APAF1: variants seen among roughly 807,000 people sequenced by gnomAD.
The protein encoded by APAF1 is apoptotic protease-activating factor 1.
APAF1 carries 91 observed loss-of-function variants against 152.4 expected under a neutral mutation model. The observed-to-expected ratio is 0.60, with a 90% CI of 0.50 to 0.71. The LOEUF is 0.71. APAF1 is among the 30% of genes least tolerant of loss of function. The pLI is 0.00. For synonymous variants in APAF1, 484 were observed against 494.1 expected (o/e 0.98, Z 0.27); for missense variants, 1,283 against 1,472.0 (o/e 0.87, Z 2.10).
chr12:98,707,295 C>T (rs772162064), intron 19 of APAF1, among the ~76,000 whole-genome samples: 19 of 152,168 alleles, frequency 1.2e-4, no homozygotes, highest in African/African-American at 1.7e-4. Context: ...CCAAACACTC[C>T]GTAGTTCCCT....
chr12:98,712,605 C>T, intron 21 of APAF1, 170 bp downstream of exon 21: 1 of 591,504 alleles, frequency 1.7e-6, no homozygotes, highest in East Asian at 3.0e-5. Context: ...CAGCCTTGAC[C>T]TTCTGAGCTC....
intron 22 of APAF1, among the ~76,000 whole-genome samples, chr12:98,719,669 A>G (rs1396265473): frequency 6.6e-6 from 1 of 151,682 alleles, no homozygotes; most frequent in Non-Finnish European, 1.5e-5. Flanking sequence ...ACTTTTTATA[A>G]TGCCTTTAGG....
intron 24 of APAF1, among the ~76,000 whole-genome samples, chr12:98,725,088 G>T (rs919101213): frequency 6.6e-6 from 1 of 152,200 alleles, no homozygotes; most frequent in African/African-American, 2.4e-5. Context: ...CTAGTCACAA[G>T]AATCTAGTGA....
At chr12:98,653,090 T>A (rs1050490495) in intron 4 of APAF1, among the ~76,000 whole-genome samples, 1 of 152,122 alleles carries the variant, frequency 6.6e-6, no homozygotes, top group African/African-American at 2.4e-5. Context: ...ATTACAGTCT[T>A]ATTATTCATA....
chr12:98,715,205 A>G (rs2097732768), intron 21 of APAF1, among the ~76,000 whole-genome samples: 1 of 129,716 alleles, frequency 7.7e-6, no homozygotes, highest in Non-Finnish European at 1.6e-5. Context: ...TTAGGGTCCA[A>G]TATGTTTGCA....
chr12:98,648,849 A>T (rs369766511), intron 3 of APAF1, 34 bp downstream of exon 3: 1 of 1,596,704 alleles, frequency 6.3e-7, no homozygotes, highest in Admixed American at 1.7e-5. Flanking sequence ...TCACTTTGCT[A>T]TCAAAATTGC....
At position 98,671,596 on chromosome 12, in the gene APAF1, G is replaced by A. The variant is rs1221735162; in HGVS notation, c.1670G>A (p.Arg557Gln). 20 of 1,613,944 alleles carry A rather than the reference G, an allele frequency of 1.2e-5. No homozygotes were observed. Among genetic ancestry groups the A allele is most frequent in the Non-Finnish European group, 1.5e-5 (18 of 1,179,964 alleles). Residue 557 changes from arginine (R) to glutamine (Q), a missense_variant, in exon 12 of 27, where the codon CGA becomes CAA. By Grantham distance (43) the Arg-to-Gln change is conservative. Coordinates refer to ENST00000551964, the MANE Select transcript of APAF1 (RefSeq NM_181861.2). ...FLSLNGHLLGRQPFPNIVQLG... is the reference protein window; with the variant it reads ...FLSLNGHLLGQQPFPNIVQLG... ...TCTTTAAATGGACACCTTCTTGGAC[G>A]ACAGCCATTTCCTAATATTGTACAA...
intron 16 of APAF1, among the ~76,000 whole-genome samples, chr12:98,688,334 C>T (rs2097700193): frequency 6.6e-6 from 1 of 152,096 alleles, no homozygotes; most frequent in Admixed American, 6.6e-5. Flanking sequence ...ACATTTTTCC[C>T]TCTTGTTCTG....
At position 98,665,875 on chromosome 12, in the gene APAF1, C is replaced by G. The variant is rs183373356; in HGVS notation, c.1194+84C>G. 585 of 1,245,132 alleles carry G rather than the reference C, an allele frequency of 4.7e-4. 1 individual carries two copies. The Admixed American group carries it at 5.5e-3, about 12-fold the overall frequency. The allele number at this position is 1,245,132 out of a possible 1,614,324, so 77.1% of individuals were successfully genotyped here. A position where few individuals can be genotyped will look rare whatever the true frequency, so the allele number is the denominator to read the frequency against. ...TACTGAGCATGTTGTTACAGAGAAC[C>G]TTGGAAGGATAAGACCCAGGGGACT... On this transcript the variant is annotated intron_variant, in intron 8 of 26. Coordinates refer to ENST00000551964, the MANE Select transcript of APAF1 (RefSeq NM_181861.2).
At chr12:98,731,562 T>G (rs897417328) in intron 26 of APAF1, among the ~76,000 whole-genome samples, 2 of 152,210 alleles carry the variant, frequency 1.3e-5, no homozygotes, top group Non-Finnish European at 2.9e-5. Context: ...TAGCAGTTAC[T>G]ATTACTAATA....
chr12:98,658,628 A>G (rs2097660764), intron 4 of APAF1, among the ~76,000 whole-genome samples: 1 of 152,166 alleles, frequency 6.6e-6, no homozygotes, highest in South Asian at 2.1e-4. Flanking sequence ...TGGGTGAGTT[A>G]TATGTTCCAG....
intron 21 of APAF1, among the ~76,000 whole-genome samples, chr12:98,713,208 T>G (rs1429517792): frequency 6.6e-6 from 1 of 152,250 alleles, no homozygotes; most frequent in Non-Finnish European, 1.5e-5. Flanking sequence ...GTTGGCTGTA[T>G]ATTTTTCAGA....
At chr12:98,656,117 G>A (rs112813081) in intron 4 of APAF1, among the ~76,000 whole-genome samples, 46 of 152,106 alleles carry the variant, frequency 3.0e-4, no homozygotes, top group Non-Finnish European at 4.1e-4. Context: ...TTTTAGGGAC[G>A]TGGTTTCACC....
chr12:98,667,790 G>A, intron 10 of APAF1, 146 bp downstream of exon 10: 2 of 430,416 alleles, frequency 4.6e-6, no homozygotes, highest in Non-Finnish European at 7.2e-6. Context: ...TTTTTTTTTT[G>A]AGACAGGGTC....
intron 11 of APAF1, among the ~76,000 whole-genome samples, chr12:98,671,301 G>T (rs2097679831): frequency 6.6e-6 from 1 of 151,796 alleles, no homozygotes; most frequent in African/African-American, 2.4e-5. Flanking sequence ...ATGTTCAGTG[G>T]TTTTTTTAAA....
At chr12:98,668,031 G>C (rs564951561) in intron 10 of APAF1, among the ~76,000 whole-genome samples, 39 of 152,034 alleles carry the variant, frequency 2.6e-4, no homozygotes, top group African/African-American at 9.4e-4. Flanking sequence ...TGATCCACTC[G>C]CTTCAGCCTC....
chr12:98,677,524 T>C lies in APAF1; in HGVS notation c.1893T>C (p.Ala631=). 1 of 1,614,198 alleles carries C rather than the reference T, an allele frequency of 6.2e-7. No individual in the cohort carries two copies. The highest frequency in any genetic ancestry group is 8.5e-7 in the Non-Finnish European group (1 of 1,180,028). ...ACFSEDGQRI[A]SCGADKTLQV... ...TTTCTGAGGATGGTCAGAGAATAGC[T>C]TCTTGTGGAGCTGATAAAACCTTAC... Residue 631 remains alanine, a synonymous_variant, in exon 13 of 27, where the codon GCT becomes GCC. Coordinates refer to ENST00000551964, the MANE Select transcript of APAF1 (RefSeq NM_181861.2).
At chr12:98,697,049 A>G (rs1303459406) in intron 16 of APAF1, among the ~76,000 whole-genome samples, 1 of 152,208 alleles carries the variant, frequency 6.6e-6, no homozygotes, top group African/African-American at 2.4e-5. Context: ...CTGATACTAC[A>G]ACCAGATTGA....
intron 4 of APAF1, among the ~76,000 whole-genome samples, chr12:98,650,471 A>T (rs1411389812): frequency 2.6e-5 from 4 of 151,624 alleles, no homozygotes; most frequent in Non-Finnish European, 5.9e-5. Context: ...GGTCAACAAG[A>T]GCAAGACTCC....
Sources: gnomAD v4.1 joint callset for allele counts (sites outside exome capture counted in the v4.1 genomes callset) on GRCh38, gnomAD v4.1.1 for gene constraint, MANE v1.5 for transcripts, NCBI Gene and HGNC (gene_info 2026-07-23, HGNC 2026-07-21) for gene names.